Variants in GARIN2 observed in about 807,000 individuals in gnomAD.
GARIN2 encodes Golgi-associated RAB2 interactor protein 2.
chr14:67,190,227 CTTTT>C, the GARIN2 span, among the ~76,000 whole-genome samples: 1 of 123,540 alleles, frequency 8.1e-6, no homozygotes, highest in Non-Finnish European at 1.8e-5. Context: ...TTGTTCTTTT[CTTTT>C]TTTTTTTTTT....
the GARIN2 span, chr14:67,203,098 A>G: frequency 1.7e-5 from 28 of 1,612,106 alleles, no homozygotes; most frequent in Non-Finnish European, 2.4e-5. Flanking sequence ...ACTCAGGTCA[A>G]CAGAAGAGGT....
the GARIN2 span, chr14:67,224,571 C>A: frequency 4.5e-6 from 1 of 222,038 alleles, no homozygotes. Flanking sequence ...CATTTCTCTA[C>A]TTTCTTAGCT....
chr14:67,198,303 G>A, the GARIN2 span: 6 of 1,613,364 alleles, frequency 3.7e-6, no homozygotes, highest in Middle Eastern at 1.7e-4. Context: ...TCCCATGTTA[G>A]AGAGCAATTT....
the GARIN2 span, chr14:67,201,661 A>C: frequency 2.5e-6 from 1 of 392,254 alleles, no homozygotes; most frequent in Non-Finnish European, 5.1e-6. Flanking sequence ...TCAGGATTTA[A>C]TCCCTGAGCT....
the GARIN2 span, among the ~76,000 whole-genome samples, chr14:67,195,520 A>C: frequency 2.0e-5 from 3 of 152,146 alleles, no homozygotes; most frequent in Non-Finnish European, 4.4e-5. Context: ...TCCAGTATGC[A>C]GTATTTTCAT....
chr14:67,225,762 T>C, the GARIN2 span, among the ~76,000 whole-genome samples: 1 of 152,226 alleles, frequency 6.6e-6, no homozygotes. Flanking sequence ...CCTGGCCTAC[T>C]GTATTCTAAG....
the GARIN2 span, chr14:67,196,653 A>G: frequency 6.6e-6 from 1 of 152,216 alleles, no homozygotes; most frequent in Non-Finnish European, 1.5e-5. Context: ...CACATTATCA[A>G]ATATCCTCAT....
At chr14:67,222,854 A>G in the GARIN2 span, among the ~76,000 whole-genome samples, 2 of 150,286 alleles carry the variant, frequency 1.3e-5, no homozygotes, top group Admixed American at 6.7e-5. Flanking sequence ...AAGTGAAGAG[A>G]AAAAAAAAAT....
the GARIN2 span, among the ~76,000 whole-genome samples, chr14:67,212,393 G>A: frequency 6.6e-6 from 1 of 151,570 alleles, no homozygotes; most frequent in African/African-American, 2.4e-5. Flanking sequence ...TTCGAGACCA[G>A]CCTGGGCAAC....
At chr14:67,193,581 A>C in the GARIN2 span, among the ~76,000 whole-genome samples, 158 of 145,158 alleles carry the variant, frequency 1.1e-3, no homozygotes, top group Non-Finnish European at 1.5e-3. Flanking sequence ...AGATCTATAT[A>C]TAGATATAGA....
the GARIN2 span, among the ~76,000 whole-genome samples, chr14:67,209,945 C>T: frequency 3.3e-5 from 5 of 151,924 alleles, no homozygotes; most frequent in South Asian, 1.0e-3. Context: ...AAATTTACTC[C>T]AGAAGACAAC....
the GARIN2 span, among the ~76,000 whole-genome samples, chr14:67,212,644 C>T: frequency 1.4e-5 from 2 of 142,804 alleles, no homozygotes; most frequent in African/African-American, 2.6e-5. Flanking sequence ...ATATATATTA[C>T]ATATATATAT....
the GARIN2 span, among the ~76,000 whole-genome samples, chr14:67,220,309 A>G: frequency 0.012 from 1,807 of 152,190 alleles, 37 homozygotes; most frequent in African/African-American, 0.041. Context: ...TGGGCGTGGT[A>G]GTGCACACCT....
chr14:67,225,926 A>AGTGTGTGTGTGTGTGTGT, the GARIN2 span, among the ~76,000 whole-genome samples: 1,420 of 136,662 alleles, frequency 0.01, 24 homozygotes, highest in Non-Finnish European at 0.015. Flanking sequence ...TAATGCTGTG[A>AGTGTGTGTGTGTGTGTGT]GTGTGTGTGT....
At chr14:67,222,446 C>A in the GARIN2 span, among the ~76,000 whole-genome samples, 1 of 152,064 alleles carries the variant, frequency 6.6e-6, no homozygotes, top group Non-Finnish European at 1.5e-5. Flanking sequence ...CGTTTGCCAC[C>A]ACGCCTAACT....
chr14:67,222,571 G>C, the GARIN2 span, among the ~76,000 whole-genome samples: 49 of 152,188 alleles, frequency 3.2e-4, 7 homozygotes, highest in Admixed American at 2.8e-3. Context: ...CCACCACCCT[G>C]GACCTATTTA....
At chr14:67,208,416 T>A in the GARIN2 span, 2 of 1,613,946 alleles carry the variant, frequency 1.2e-6, no homozygotes, top group Non-Finnish European at 8.5e-7. Flanking sequence ...ATGCCTGATT[T>A]TCAGAGCACA....
chr14:67,204,821 T>C, the GARIN2 span: 1 of 1,614,028 alleles, frequency 6.2e-7, no homozygotes, highest in Non-Finnish European at 8.5e-7. Flanking sequence ...ACAGCCATCC[T>C]GACCCCGTAC....
chr14:67,220,817 G>A, the GARIN2 span, among the ~76,000 whole-genome samples: 1 of 152,166 alleles, frequency 6.6e-6, no homozygotes. Context: ...TTTGCAAACT[G>A]TATAGAAAAT....
Sources: gnomAD v4.1 joint callset for allele counts (sites outside exome capture counted in the v4.1 genomes callset) on GRCh38, gnomAD v4.1.1 for gene constraint, MANE v1.5 for transcripts, NCBI Gene and HGNC (gene_info 2026-07-23, HGNC 2026-07-21) for gene names.